Variants in SH3RF1 observed in about 807,000 individuals in gnomAD.
SH3RF1 encodes the protein SH3 domain containing ring finger 1, also known as E3 ubiquitin-protein ligase SH3RF1.
Under a neutral mutation model 74.0 loss-of-function variants are expected in SH3RF1, and 32 were observed. The ratio of observed to expected loss-of-function variants is 0.43; its 90% confidence interval spans 0.33 to 0.58. SH3RF1 has a LOEUF of 0.58. SH3RF1 is among the 20% of genes least tolerant of loss of function. The pLI is 0.05. For missense variants in SH3RF1, 954 were observed against 1,130.9 expected, an observed-to-expected ratio of 0.84 and a Z score of 2.24; for synonymous variants, 396 against 439.6, an observed-to-expected ratio of 0.90 and a Z score of 1.24.
At chr4:169,194,329 A>G (rs1734775667) in intron 2 of SH3RF1, among the ~76,000 whole-genome samples, 1 of 152,140 alleles carries the variant, frequency 6.6e-6, no homozygotes, top group Non-Finnish European at 1.5e-5. Flanking sequence ...CAGAACCTAG[A>G]AGTGTGCCTT....
chr4:169,222,950 G>C (rs556805405), intron 2 of SH3RF1, among the ~76,000 whole-genome samples: 2 of 152,228 alleles, frequency 1.3e-5, no homozygotes, highest in South Asian at 4.2e-4. Flanking sequence ...CCCTGTCCTC[G>C]CATGGATTTT....
rs60705711 is a variant in SH3RF1 at position 169,187,516 on chromosome 4, CTGTGTGTGTGTGTGTGTG to C, written c.394-30855_394-30838del. The stretch of plus-strand genomic sequence containing the variant: ...AGTATATTTTCTTTACAACGAATTT[CTGTGTGTGTGTGTGTGTG>C]TGTGTGTGTGTGTGTGTGTGTGTGT... On this transcript the variant is annotated intron_variant, in intron 2 of 11. Coordinates refer to ENST00000284637, the MANE Select transcript of SH3RF1 (RefSeq NM_020870.4). 3.4e-3 allele frequency among the ~76,000 whole-genome samples: 489 copies of C among 144,176 alleles called. 4 individuals carry two copies. The highest frequency in any genetic ancestry group is 0.023 in the East Asian group (112 of 4,960). 94.6% of individuals were successfully genotyped at this position (144,176 alleles called of 152,430 possible).
chr4:169,106,008 AT>A lies in SH3RF1; in HGVS notation c.2498+838del, dbSNP rs35495176. ...TAAAATATTGTGAATTTTTTTTGCA[AT>A]TTTTTTTTAGCTCATCAGCTATAAT... On this transcript the variant is annotated intron_variant, in intron 11 of 11. Coordinates refer to ENST00000284637, the MANE Select transcript of SH3RF1 (RefSeq NM_020870.4). 1.3e-3 allele frequency among the ~76,000 whole-genome samples: 202 copies of A among 151,044 alleles called. 1 individual carries two copies. The highest frequency in any genetic ancestry group is 4.1e-3 in the African/African-American group (170 of 41,188).
chr4:169,250,492 A>T (rs114595139), intron 2 of SH3RF1, among the ~76,000 whole-genome samples: 1,822 of 152,354 alleles, frequency 0.012, 41 homozygotes, highest in African/African-American at 0.041. Flanking sequence ...CCTATTTGCA[A>T]TATTTTTCAA....
At chr4:169,215,555 T>C (rs2706749) in intron 2 of SH3RF1, among the ~76,000 whole-genome samples, 152,243 of 152,296 alleles carry the variant, frequency 1, 76,095 homozygotes, top group Non-Finnish European at 1. Context: ...GTAGAATTCA[T>C]CACATCTGGG....
chr4:169,253,327 T>C (rs1261934290), intron 2 of SH3RF1, among the ~76,000 whole-genome samples: 32 of 152,356 alleles, frequency 2.1e-4, no homozygotes, highest in East Asian at 1.9e-4. Flanking sequence ...TAGCTTAGTC[T>C]CCTGAGAGAA....
chr4:169,160,762 G>C (rs1412888511), intron 2 of SH3RF1, among the ~76,000 whole-genome samples: 4 of 152,164 alleles, frequency 2.6e-5, no homozygotes, highest in African/African-American at 9.7e-5. Flanking sequence ...AGTGATCTTT[G>C]AAAGACTTAT....
chr4:169,226,430 T>A (rs1730653888), intron 2 of SH3RF1, among the ~76,000 whole-genome samples: 1 of 149,706 alleles, frequency 6.7e-6, no homozygotes, highest in Admixed American at 6.7e-5. Context: ...TCCACAGCAG[T>A]GAAAAGCAAA....
chr4:169,122,862 C>T (rs113700302), intron 6 of SH3RF1, among the ~76,000 whole-genome samples: 5 of 152,288 alleles, frequency 3.3e-5, no homozygotes, highest in African/African-American at 1.2e-4. Flanking sequence ...ACTATCGAGG[C>T]TGGTAATCTT....
At chr4:169,130,406 T>A (rs577001187) in intron 5 of SH3RF1, among the ~76,000 whole-genome samples, 1 of 152,208 alleles carries the variant, frequency 6.6e-6, no homozygotes, top group East Asian at 1.9e-4. Context: ...CCTACAGAAT[T>A]CAACTGCCAT....
intron 2 of SH3RF1, among the ~76,000 whole-genome samples, chr4:169,212,311 G>A (rs1193738116): frequency 6.6e-6 from 1 of 151,994 alleles, no homozygotes; most frequent in Non-Finnish European, 1.5e-5. Context: ...TGATCTGCCT[G>A]CCTCAGCCTC....
intron 10 of SH3RF1, among the ~76,000 whole-genome samples, chr4:169,114,921 C>CA (rs1733306474): frequency 6.6e-6 from 1 of 152,156 alleles, no homozygotes; most frequent in Admixed American, 6.5e-5. Context: ...TGATCGCCCT[C>CA]AAACTTCCCA....
intron 6 of SH3RF1, among the ~76,000 whole-genome samples, chr4:169,123,457 C>T (rs886968273): frequency 3.3e-5 from 5 of 152,152 alleles, no homozygotes; most frequent in African/African-American, 1.2e-4. Flanking sequence ...AAAGTGGTTG[C>T]AGAACATTTA....
intron 11 of SH3RF1, among the ~76,000 whole-genome samples, chr4:169,104,857 C>A (rs567077610): frequency 6.7e-6 from 1 of 149,436 alleles, no homozygotes; most frequent in South Asian, 2.1e-4. Context: ...GCCAAGATTG[C>A]ACCACTGCAC....
intron 4 of SH3RF1, among the ~76,000 whole-genome samples, chr4:169,150,215 C>T (rs76377836): frequency 2.6e-5 from 4 of 152,264 alleles, no homozygotes; most frequent in East Asian, 3.9e-4. Context: ...ATGTAACTTA[C>T]GTCAATAAAC....
chr4:169,116,999 T>C (rs931476562), intron 9 of SH3RF1, among the ~76,000 whole-genome samples: 1 of 152,214 alleles, frequency 6.6e-6, no homozygotes, highest in African/African-American at 2.4e-5. Context: ...TTCCCTTTTC[T>C]TATGAATCAT....
rs1733449875 is a variant in SH3RF1 at position 169,122,182 on chromosome 4, C to A, written c.1264G>T (p.Ala422Ser). The A allele has an allele frequency of 5.6e-6, 9 of 1,613,688 alleles. No homozygotes were observed. Among genetic ancestry groups the A allele is most frequent in the Non-Finnish European group, 6.8e-6 (8 of 1,180,024 alleles). The change falls in exon 7 of 12, where the codon GCT becomes TCT. Residue 422 changes from alanine (A) to serine (S), a missense_variant. Physicochemically the swap from Ala to Ser is moderately conservative, Grantham distance 99 (BLOSUM62 1). Coordinates refer to ENST00000284637, the MANE Select transcript of SH3RF1 (RefSeq NM_020870.4). ...STPPGATAAA[A>S]AAGMGPRPMA... is the part of the protein sequence containing the mutation. Reference sequence around the variant, plus strand: ...GGCCTCGGTCCCATTCCAGCAGCAGCAGCAGCGGCGGTGGCGCCTGGTGGT... The same window carrying A: ...GGCCTCGGTCCCATTCCAGCAGCAGAAGCAGCGGCGGTGGCGCCTGGTGGT...
At chr4:169,233,902 A>G (rs182061108) in intron 2 of SH3RF1, among the ~76,000 whole-genome samples, 1 of 152,272 alleles carries the variant, frequency 6.6e-6, no homozygotes, top group African/African-American at 2.4e-5. Context: ...CCTGCCTCAG[A>G]GCAGCTATAA....
At chr4:169,259,438 T>C (rs2110756335) in intron 2 of SH3RF1, among the ~76,000 whole-genome samples, 1 of 152,264 alleles carries the variant, frequency 6.6e-6, no homozygotes, top group African/African-American at 2.4e-5. Flanking sequence ...ATCTTTAAAA[T>C]GGCTGTGTTT....
Sources: allele counts gnomAD v4.1 joint callset (sites outside exome capture counted in the v4.1 genomes callset), GRCh38; gene constraint gnomAD v4.1.1; transcripts MANE v1.5; gene names NCBI Gene and HGNC (gene_info 2026-07-23, HGNC 2026-07-21).